Variants in NEGR1 observed in about 807,000 individuals in gnomAD.
The protein encoded by NEGR1 is IgLON family member 4.
A neutral mutation model predicts 40.9 loss-of-function variants in NEGR1; 10 were observed. The ratio of observed to expected loss-of-function variants is 0.24; its 90% CI spans 0.15 to 0.42. NEGR1 has a LOEUF of 0.42. Ranked by LOEUF, NEGR1 falls within the 10% of genes least tolerant of loss-of-function variation. NEGR1 has a pLI of 1.00. For synonymous variants in NEGR1, 185 were observed against 166.8 expected (o/e 1.11, Z -0.84); for missense variants, 352 against 438.9 (o/e 0.80, Z 1.77).
At chr1:71,428,308 T>A (rs1043254614) in intron 6 of NEGR1, among the ~76,000 whole-genome samples, 12 of 152,222 alleles carry the variant, frequency 7.9e-5, no homozygotes, top group African/African-American at 2.7e-4. Context: ...ATTTCACACC[T>A]GCTATAAAGG....
At chr1:72,022,113 T>C (rs561130428) in intron 1 of NEGR1, among the ~76,000 whole-genome samples, 82 of 151,728 alleles carry the variant, frequency 5.4e-4, no homozygotes, top group African/African-American at 1.9e-3. Context: ...CCAGCCTGGG[T>C]GACAGAGGGA....
intron 4 of NEGR1, among the ~76,000 whole-genome samples, chr1:71,672,329 T>C (rs1652464776): frequency 1.3e-5 from 2 of 152,146 alleles, no homozygotes; most frequent in South Asian, 4.1e-4. Flanking sequence ...TTAAAACATG[T>C]GACATCTTTG....
chr1:71,964,221 AC>A (rs1410029489), intron 1 of NEGR1, among the ~76,000 whole-genome samples: 1 of 151,922 alleles, frequency 6.6e-6, no homozygotes. Flanking sequence ...TGGCCTTGAC[AC>A]CCCCATCGAA....
intron 3 of NEGR1, among the ~76,000 whole-genome samples, chr1:71,747,022 G>C (rs897203736): frequency 6.6e-5 from 10 of 152,166 alleles, no homozygotes; most frequent in African/African-American, 2.4e-4. Flanking sequence ...TAGTGTAAAT[G>C]ATTCAGTTGC....
At chr1:72,002,089 T>C (rs1010730543) in intron 1 of NEGR1, among the ~76,000 whole-genome samples, 4 of 152,006 alleles carry the variant, frequency 2.6e-5, no homozygotes, top group Non-Finnish European at 2.9e-5. Context: ...GAGTTTAATA[T>C]CCGTGTTTTT....
chr1:71,854,707 CAGT>C (rs1389120595), intron 2 of NEGR1, among the ~76,000 whole-genome samples: 1 of 151,970 alleles, frequency 6.6e-6, no homozygotes, highest in African/African-American at 2.4e-5. Flanking sequence ...CTTCACAAGG[CAGT>C]AGGACAGAGA....
chr1:71,652,632 G>A (rs1557600826), intron 4 of NEGR1, among the ~76,000 whole-genome samples: 1 of 152,160 alleles, frequency 6.6e-6, no homozygotes, highest in Non-Finnish European at 1.5e-5. Context: ...TTGGGAGACT[G>A]AGGCCGGTGG....
intron 6 of NEGR1, among the ~76,000 whole-genome samples, chr1:71,509,444 A>G (rs1377601819): frequency 2.0e-5 from 3 of 152,174 alleles, no homozygotes; most frequent in African/African-American, 7.2e-5. Flanking sequence ...CCGACATGCC[A>G]CTGGTGAGTC....
intron 6 of NEGR1, chr1:71,463,260 G>T (rs1646725401): frequency 6.6e-6 from 1 of 152,032 alleles, no homozygotes; most frequent in Non-Finnish European, 1.5e-5. Context: ...GCAGGGAAGG[G>T]GTGGAACATT....
chr1:72,042,527 A>G (rs1200430369), intron 1 of NEGR1, among the ~76,000 whole-genome samples: 1 of 151,394 alleles, frequency 6.6e-6, no homozygotes, highest in Non-Finnish European at 1.5e-5. Context: ...CACCAATGTC[A>G]GATCACGATA....
chr1:71,733,858 T>C (rs1654963154), intron 3 of NEGR1, among the ~76,000 whole-genome samples: 1 of 152,226 alleles, frequency 6.6e-6, no homozygotes. Context: ...CTTGATGTGC[T>C]ACATCTTCCC....
At chr1:71,916,635 A>G (rs1404450867) in intron 2 of NEGR1, among the ~76,000 whole-genome samples, 1 of 152,172 alleles carries the variant, frequency 6.6e-6, no homozygotes, top group East Asian at 1.9e-4. Flanking sequence ...GTGTGCTTGT[A>G]ATCACAGCTA....
At chr1:72,135,803 A>C (rs1398676170) in intron 1 of NEGR1, among the ~76,000 whole-genome samples, 1 of 152,222 alleles carries the variant, frequency 6.6e-6, no homozygotes, top group African/African-American at 2.4e-5. Context: ...GAACAAAATT[A>C]AAAAGCTTAA....
At chr1:71,547,259 C>T (rs1237317914) in intron 6 of NEGR1, among the ~76,000 whole-genome samples, 2 of 151,764 alleles carry the variant, frequency 1.3e-5, no homozygotes, top group Non-Finnish European at 2.9e-5. Context: ...AAGCAATAGT[C>T]CCTTCCCTTG....
chr1:71,510,901 C>T (rs1194867255), intron 6 of NEGR1, among the ~76,000 whole-genome samples: 1 of 152,198 alleles, frequency 6.6e-6, no homozygotes, highest in Non-Finnish European at 1.5e-5. Context: ...AAGGAAGCAA[C>T]ACTCAGACTG....
intron 4 of NEGR1, among the ~76,000 whole-genome samples, chr1:71,658,834 T>C (rs1651960642): frequency 2.0e-5 from 3 of 152,208 alleles, no homozygotes; most frequent in South Asian, 4.1e-4. Context: ...TTGACAGTTA[T>C]GTAAAAACAT....
At chr1:71,766,136 G>GCA (rs1334913339) in intron 3 of NEGR1, among the ~76,000 whole-genome samples, 2 of 144,982 alleles carry the variant, frequency 1.4e-5, no homozygotes, top group Non-Finnish European at 3.0e-5. Context: ...TCGTGCCACT[G>GCA]CACTCCAGCC....
intron 1 of NEGR1, among the ~76,000 whole-genome samples, chr1:72,159,315 A>G (rs1332399238): frequency 2.0e-5 from 3 of 152,138 alleles, no homozygotes; most frequent in African/African-American, 7.2e-5. Context: ...GTGAGAAAAC[A>G]ATAGGCCAAA....
At chr1:72,114,639 G>A (rs148610062) in intron 1 of NEGR1, among the ~76,000 whole-genome samples, 102 of 151,774 alleles carry the variant, frequency 6.7e-4, no homozygotes, top group African/African-American at 2.2e-3. Context: ...AACTACATAA[G>A]CAAAAATAGA....
Sources: allele counts gnomAD v4.1 joint callset (sites outside exome capture counted in the v4.1 genomes callset), GRCh38; gene constraint gnomAD v4.1.1; transcripts MANE v1.5; gene names NCBI Gene and HGNC (gene_info 2026-07-23, HGNC 2026-07-21).